METTL25: variants seen among roughly 807,000 people sequenced by gnomAD.
METTL25 encodes the protein probable methyltransferase-like protein 25.
In METTL25, 64 loss-of-function variants were observed where a neutral mutation model predicts 71.6. The observed-to-expected ratio is 0.89, with a 90% CI of 0.73 to 1.10. METTL25 has a LOEUF of 1.10. Among genes scored for constraint, METTL25 ranks in the 50% least tolerant of loss-of-function variants. The pLI is 0.00. For missense variants in METTL25, 807 were observed against 707.0 expected, an observed-to-expected ratio of 1.14 and a Z score of -1.60; for synonymous variants, 287 against 250.3, an observed-to-expected ratio of 1.15 and a Z score of -1.38.
chr12:82,381,040 CCA>C (rs918845932), intron 1 of METTL25, among the ~76,000 whole-genome samples: 1 of 152,258 alleles, frequency 6.6e-6, no homozygotes, highest in Admixed American at 6.5e-5. Context: ...CCCCTTCAAT[CCA>C]TATTGAACAT....
intron 1 of METTL25, among the ~76,000 whole-genome samples, chr12:82,373,493 A>G (rs541225569): frequency 6.6e-6 from 1 of 152,294 alleles, no homozygotes; most frequent in South Asian, 2.1e-4. Flanking sequence ...AGAAACTAGA[A>G]AAGCATCAGA....
intron 8 of METTL25, among the ~76,000 whole-genome samples, chr12:82,453,575 A>G (rs949877220): frequency 6.6e-5 from 10 of 152,174 alleles, no homozygotes; most frequent in African/African-American, 2.4e-4. Flanking sequence ...AGCAAAGGAC[A>G]TAAGAATTAC....
intron 9 of METTL25, among the ~76,000 whole-genome samples, chr12:82,473,820 C>G (rs1019404904): frequency 1.3e-5 from 2 of 152,084 alleles, no homozygotes; most frequent in African/African-American, 4.8e-5. Flanking sequence ...GAGTTGGTTT[C>G]TCTGCTGTGT....
At chr12:82,410,767 T>C (rs1199007984) in intron 5 of METTL25, among the ~76,000 whole-genome samples, 1 of 152,070 alleles carries the variant, frequency 6.6e-6, no homozygotes, top group Non-Finnish European at 1.5e-5. Flanking sequence ...CTGAGATAAA[T>C]GCTGGTCACA....
At position 82,469,410 on chromosome 12, in the gene METTL25, C is replaced by G. The variant is rs553763646; in HGVS notation, c.1573-7234C>G. ...TTAAGATCCATTGCAGAAGGGGAAA[C>G]AAACACATCCTTCTTCACACCCCAA... On this transcript the variant is annotated intron_variant, in intron 9 of 11. Transcript: ENST00000248306. 2.4e-4 allele frequency among the ~76,000 whole-genome samples: 37 copies of G among 152,092 alleles called. No homozygotes were observed. The South Asian group carries it at 7.5e-3, about 31-fold the overall frequency.
chr12:82,369,903 G>GT (rs1883027716), intron 1 of METTL25, among the ~76,000 whole-genome samples: 1 of 151,978 alleles, frequency 6.6e-6, no homozygotes, highest in South Asian at 2.1e-4. Flanking sequence ...TGATTGGTGC[G>GT]TTTTTACAGA....
chr12:82,366,865 T>A (rs1441765217), intron 1 of METTL25, among the ~76,000 whole-genome samples: 1 of 152,196 alleles, frequency 6.6e-6, no homozygotes, highest in Non-Finnish European at 1.5e-5. Flanking sequence ...CATTTTAGAT[T>A]TCAAATGTAA....
At chr12:82,403,684 G>T (rs1467713361) in intron 5 of METTL25, among the ~76,000 whole-genome samples, 1 of 152,196 alleles carries the variant, frequency 6.6e-6, no homozygotes, top group Non-Finnish European at 1.5e-5. Context: ...CTGATGAGCA[G>T]AGTATGGAGT....
intron 1 of METTL25, among the ~76,000 whole-genome samples, chr12:82,371,551 C>G (rs990763849): frequency 5.3e-5 from 8 of 152,220 alleles, no homozygotes; most frequent in African/African-American, 1.4e-4. Flanking sequence ...ATGACTAAGG[C>G]TGTGTCCTTT....
chr12:82,406,504 T>G (rs1010496522), intron 5 of METTL25, among the ~76,000 whole-genome samples: 1 of 152,170 alleles, frequency 6.6e-6, no homozygotes, highest in Non-Finnish European at 1.5e-5. Flanking sequence ...AGAACGTTGC[T>G]TTAGTCTTTT....
intron 5 of METTL25, among the ~76,000 whole-genome samples, chr12:82,415,061 T>C (rs932463078): frequency 3.3e-5 from 5 of 152,086 alleles, no homozygotes; most frequent in African/African-American, 1.2e-4. Flanking sequence ...AGTGAGAAAC[T>C]CCACTGGGAA....
At chr12:82,384,336 A>G (rs1044370536) in intron 1 of METTL25, among the ~76,000 whole-genome samples, 1 of 151,540 alleles carries the variant, frequency 6.6e-6, no homozygotes, top group East Asian at 1.9e-4. Context: ...TTCTCACATA[A>G]CTGTTTCAGA....
At chr12:82,428,046 T>A (rs1473647427) in intron 5 of METTL25, among the ~76,000 whole-genome samples, 1 of 151,954 alleles carries the variant, frequency 6.6e-6, no homozygotes, top group Non-Finnish European at 1.5e-5. Context: ...CTTGTTTGCA[T>A]GGTCTTAGTT....
chr12:82,411,963 G>T (rs1887588741), intron 5 of METTL25, among the ~76,000 whole-genome samples: 1 of 152,004 alleles, frequency 6.6e-6, no homozygotes, highest in South Asian at 2.1e-4. Flanking sequence ...AGCTATGAAG[G>T]TTTATTTCCT....
chr12:82,359,060 G>C, intron 1 of METTL25: 1 of 595,794 alleles, frequency 1.7e-6, no homozygotes, highest in African/African-American at 1.9e-5. Flanking sequence ...AAGAAAGCAG[G>C]AAACAGGGCA....
At chr12:82,437,024 G>A (rs1021087412) in intron 7 of METTL25, among the ~76,000 whole-genome samples, 2 of 151,586 alleles carry the variant, frequency 1.3e-5, no homozygotes, top group African/African-American at 4.8e-5. Context: ...TTTTAAGAAA[G>A]TGGGGGACAG....
chr12:82,437,586 G>A (rs1361805605), intron 7 of METTL25, among the ~76,000 whole-genome samples: 1 of 151,558 alleles, frequency 6.6e-6, no homozygotes, highest in Non-Finnish European at 1.5e-5. Flanking sequence ...GCCTGAGCAC[G>A]AAAAATTTAT....
chr12:82,449,360 G>A (rs746070344), intron 8 of METTL25, among the ~76,000 whole-genome samples: 2 of 152,102 alleles, frequency 1.3e-5, no homozygotes, highest in Admixed American at 6.5e-5. Context: ...TTTCATTCCA[G>A]CCTAATCCAT....
chr12:82,415,232 A>G (rs1221607526), intron 5 of METTL25, among the ~76,000 whole-genome samples: 1 of 152,152 alleles, frequency 6.6e-6, no homozygotes, highest in Admixed American at 6.6e-5. Flanking sequence ...AAAGTAATAT[A>G]CATGTCTTTT....
Sources: allele counts gnomAD v4.1 joint callset (sites outside exome capture counted in the v4.1 genomes callset), GRCh38; gene constraint gnomAD v4.1.1; transcripts MANE v1.5; gene names NCBI Gene and HGNC (gene_info 2026-07-23, HGNC 2026-07-21).